The following SKAP2 variants were observed in gnomAD, a reference collection of about 807,000 sequenced individuals.
SKAP2 encodes src kinase associated phosphoprotein 2, also known as src kinase-associated phosphoprotein 2.
Under a neutral mutation model 54.9 loss-of-function variants are expected in SKAP2, and 28 were observed. That is an observed-to-expected ratio of 0.51 (90% CI 0.38 to 0.70). The LOEUF (loss-of-function observed/expected upper bound fraction) is 0.70, where lower values mean the gene tolerates loss of function less well. Ranked by LOEUF, SKAP2 falls within the 30% of genes least tolerant of loss-of-function variation. The probability of loss-of-function intolerance (pLI) is 0.00; values close to 1 mark genes in which losing one functional copy is unlikely to be tolerated. For synonymous variants in SKAP2, 137 were observed against 134.3 expected, an observed-to-expected ratio of 1.02 and a Z score of -0.14; for missense variants, 356 against 424.1, an observed-to-expected ratio of 0.84 and a Z score of 1.41.
At chr7:26,728,637 T>C (rs543803077) in intron 6 of SKAP2, among the ~76,000 whole-genome samples, 37 of 152,308 alleles carry the variant, frequency 2.4e-4, no homozygotes, top group Non-Finnish European at 4.7e-4. Context: ...CGCAGCATTA[T>C]AGGTTTGCCG....
chr7:26,786,976 T>A (rs955963077), intron 4 of SKAP2, among the ~76,000 whole-genome samples: 1 of 152,154 alleles, frequency 6.6e-6, no homozygotes, highest in African/African-American at 2.4e-5. Context: ...TTTGAACACA[T>A]TATATATCCA....
At chr7:26,859,038 G>A (rs1012210076) in intron 1 of SKAP2, among the ~76,000 whole-genome samples, 26 of 152,102 alleles carry the variant, frequency 1.7e-4, no homozygotes, top group Admixed American at 1.4e-3. Flanking sequence ...TTGTATGGGG[G>A]AGGGGGAGGG....
chr7:26,771,416 A>C (rs1782631405), intron 4 of SKAP2, among the ~76,000 whole-genome samples: 1 of 152,174 alleles, frequency 6.6e-6, no homozygotes, highest in South Asian at 2.1e-4. Context: ...TGTACATCTA[A>C]TGATACGTAG....
intron 9 of SKAP2, among the ~76,000 whole-genome samples, chr7:26,713,186 A>G (rs959337523): frequency 2.0e-5 from 3 of 152,194 alleles, no homozygotes; most frequent in Admixed American, 6.5e-5. Flanking sequence ...CTGTGCCTGG[A>G]AAGTGCTTCG....
At chr7:26,807,497 T>C (rs1008732637) in intron 4 of SKAP2, among the ~76,000 whole-genome samples, 3 of 152,244 alleles carry the variant, frequency 2.0e-5, no homozygotes, top group African/African-American at 7.2e-5. Flanking sequence ...CTTTCTGCCA[T>C]GATTTTAAGT....
intron 4 of SKAP2, among the ~76,000 whole-genome samples, chr7:26,838,744 A>C (rs557385099): frequency 7.1e-4 from 108 of 152,320 alleles, no homozygotes; most frequent in African/African-American, 2.6e-3. Flanking sequence ...ATACATCAGG[A>C]AGTAAAATCA....
intron 6 of SKAP2, among the ~76,000 whole-genome samples, chr7:26,737,632 T>G (rs569410483): frequency 3.5e-4 from 54 of 152,240 alleles, no homozygotes; most frequent in Non-Finnish European, 6.2e-4. Flanking sequence ...TTACATTCAG[T>G]GATACTTTTG....
intron 4 of SKAP2, among the ~76,000 whole-genome samples, chr7:26,794,007 G>A (rs2127982353): frequency 6.6e-6 from 1 of 152,238 alleles, no homozygotes; most frequent in East Asian, 1.9e-4. Flanking sequence ...TGATATATTA[G>A]CTAAAGCTGC....
chr7:26,778,384 T>C (rs909404398), intron 4 of SKAP2, among the ~76,000 whole-genome samples: 4 of 152,106 alleles, frequency 2.6e-5, no homozygotes, highest in African/African-American at 9.6e-5. Context: ...GAGCAAAATT[T>C]GACAGTGTTC....
At chr7:26,852,159 A>C (rs1785058056) in intron 3 of SKAP2, among the ~76,000 whole-genome samples, 1 of 152,196 alleles carries the variant, frequency 6.6e-6, no homozygotes, top group Non-Finnish European at 1.5e-5. Context: ...GATAATCCAA[A>C]ACCTCAAAGG....
At chr7:26,753,980 A>G (rs1481042315) in intron 4 of SKAP2, among the ~76,000 whole-genome samples, 6 of 152,206 alleles carry the variant, frequency 3.9e-5, no homozygotes, top group African/African-American at 1.4e-4. Context: ...TATAACCACC[A>G]ACATGAAGAA....
At chr7:26,840,674 A>G (rs777533639) in intron 4 of SKAP2, among the ~76,000 whole-genome samples, 1 of 152,096 alleles carries the variant, frequency 6.6e-6, no homozygotes, top group Non-Finnish European at 1.5e-5. Flanking sequence ...GTGATCTACA[A>G]TAGTCTAGAA....
At chr7:26,745,642 G>A (rs1365492905) in intron 4 of SKAP2, among the ~76,000 whole-genome samples, 2 of 152,144 alleles carry the variant, frequency 1.3e-5, no homozygotes, top group Non-Finnish European at 2.9e-5. Context: ...AGCCTCCTGA[G>A]TAGCTGGGAT....
chr7:26,764,299 A>T (rs1782996717), intron 4 of SKAP2, among the ~76,000 whole-genome samples: 1 of 152,178 alleles, frequency 6.6e-6, no homozygotes, highest in South Asian at 2.1e-4. Flanking sequence ...GCAATAAAAA[A>T]TAGGAATAGC....
intron 4 of SKAP2, among the ~76,000 whole-genome samples, chr7:26,805,696 C>T (rs980345471): frequency 4.6e-5 from 7 of 152,126 alleles, no homozygotes; most frequent in African/African-American, 1.7e-4. Context: ...ATCACTGCAG[C>T]CTCAGCTAAA....
intron 9 of SKAP2, among the ~76,000 whole-genome samples, chr7:26,720,518 C>T (rs1369157772): frequency 6.6e-6 from 1 of 151,734 alleles, no homozygotes; most frequent in African/African-American, 2.4e-5. Context: ...TTCGGATAAC[C>T]CTCTAAGCAG....
chr7:26,673,574 A>G (rs1786286354), intron 11 of SKAP2, among the ~76,000 whole-genome samples: 2 of 152,098 alleles, frequency 1.3e-5, no homozygotes, highest in Non-Finnish European at 2.9e-5. Flanking sequence ...TGCTTATTGT[A>G]TAAAAATAGT....
intron 4 of SKAP2, among the ~76,000 whole-genome samples, chr7:26,780,545 C>G (rs527644029): frequency 1.6e-4 from 24 of 152,126 alleles, no homozygotes; most frequent in Admixed American, 6.6e-4. Flanking sequence ...CCCAATAAAA[C>G]TTAACTTATG....
chr7:26,810,307 C>G (rs943877887), intron 4 of SKAP2, among the ~76,000 whole-genome samples: 1 of 148,782 alleles, frequency 6.7e-6, no homozygotes, highest in African/African-American at 2.5e-5. Context: ...GACCATGTCT[C>G]TAAAAGAAAA....
Sources: allele counts gnomAD v4.1 joint callset (sites outside exome capture counted in the v4.1 genomes callset), GRCh38; gene constraint gnomAD v4.1.1; transcripts MANE v1.5; gene names NCBI Gene and HGNC (gene_info 2026-07-23, HGNC 2026-07-21).